The following ANKRD44 variants were observed in gnomAD, a reference collection of about 807,000 sequenced individuals.
ANKRD44 encodes serine/threonine-protein phosphatase 6 regulatory ankyrin repeat subunit B.
ANKRD44 carries 35 observed loss-of-function variants against 116.0 expected under a neutral mutation model. The observed-to-expected ratio is 0.30, with a 90% CI of 0.23 to 0.40. The LOEUF (loss-of-function observed/expected upper bound fraction) is 0.40, where lower values mean the gene tolerates loss of function less well. Ranked by LOEUF, ANKRD44 falls within the 10% of genes least tolerant of loss-of-function variation. The pLI, the probability that ANKRD44 is intolerant of heterozygous loss-of-function variation, is 1.00. For synonymous variants in ANKRD44, 435 were observed against 461.8 expected, an observed-to-expected ratio of 0.94 and a Z score of 0.74; for missense variants, 1,014 against 1,242.6, an observed-to-expected ratio of 0.82 and a Z score of 2.77.
chr2:197,215,419 C>T (rs1311007109), intron 1 of ANKRD44, among the ~76,000 whole-genome samples: 1 of 152,174 alleles, frequency 6.6e-6, no homozygotes, highest in Non-Finnish European at 1.5e-5. Context: ...ATGAGGTTCT[C>T]TCAGTGCAGG....
At chr2:197,283,291 G>C (rs1357218887) in intron 1 of ANKRD44, among the ~76,000 whole-genome samples, 1 of 152,130 alleles carries the variant, frequency 6.6e-6, no homozygotes, top group Non-Finnish European at 1.5e-5. Flanking sequence ...AGCCCATTAT[G>C]ATAAAATCCC....
chr2:197,253,790 T>C (rs1015721605), intron 1 of ANKRD44, among the ~76,000 whole-genome samples: 1 of 152,186 alleles, frequency 6.6e-6, no homozygotes, highest in African/African-American at 2.4e-5. Flanking sequence ...AAAGTCATAC[T>C]ATGTGAAGTG....
intron 1 of ANKRD44, among the ~76,000 whole-genome samples, chr2:197,206,341 A>C (rs2081204936): frequency 6.6e-6 from 1 of 152,224 alleles, no homozygotes; most frequent in South Asian, 2.1e-4. Flanking sequence ...TGAAGTTCAC[A>C]CTGTTAGCGC....
At chr2:197,225,415 C>G (rs571358095) in intron 1 of ANKRD44, among the ~76,000 whole-genome samples, 1 of 152,216 alleles carries the variant, frequency 6.6e-6, no homozygotes, top group Non-Finnish European at 1.5e-5. Flanking sequence ...GCAATCTCAG[C>G]TTACTGCAAC....
intron 4 of ANKRD44, among the ~76,000 whole-genome samples, chr2:197,127,923 G>A (rs1368719387): frequency 1.3e-5 from 2 of 152,114 alleles, no homozygotes; most frequent in African/African-American, 2.4e-5. Context: ...GCGGTGTTTG[G>A]TTTTCTGTTT....
rs115185886 is a variant in ANKRD44 at position 197,237,556 on chromosome 2, G to A, written c.28-50450C>T. 3.0e-3 allele frequency among the ~76,000 whole-genome samples: 454 copies of A among 152,284 alleles called. 5 individuals are homozygous for A. Among genetic ancestry groups the A allele is most frequent in the African/African-American group, 0.01 (436 of 41,562 alleles). ...CACTAGAAGATTCGGAGTGTGTGAT[G>A]TCTGTAATGCCGGCTCCATTCACAC... is the stretch of plus-strand genomic sequence containing the variant. On this transcript the variant is annotated intron_variant, in intron 1 of 27. Transcript: ENST00000282272.
At chr2:197,204,626 A>G (rs1881405) in intron 1 of ANKRD44, among the ~76,000 whole-genome samples, 84,579 of 152,024 alleles carry the variant, frequency 0.56, 27,756 homozygotes, top group East Asian at 0.88. Context: ...CCAGAGCTCC[A>G]GACGTTTCAG....
At chr2:197,001,055 C>A (rs922218565) in intron 22 of ANKRD44, among the ~76,000 whole-genome samples, 9 of 151,938 alleles carry the variant, frequency 5.9e-5, no homozygotes, top group African/African-American at 2.2e-4. Context: ...AAAATATAAA[C>A]AAAATAAAAT....
intron 21 of ANKRD44, among the ~76,000 whole-genome samples, chr2:196,977,026 C>G (rs1214843014): frequency 1.3e-5 from 2 of 152,160 alleles, no homozygotes; most frequent in African/African-American, 4.8e-5. Context: ...CTTCTATATA[C>G]TGGCAATGAA....
rs577922219 is a variant in ANKRD44, at chr2:197,005,962, C to A, written c.2131-52G>T. On this transcript the variant is annotated intron_variant, in intron 20 of 27. Coordinates refer to ENST00000282272, the MANE Select transcript of ANKRD44 (RefSeq NM_001195144.2). The stretch of plus-strand genomic sequence containing the variant: ...AACAAACCTCAGAAGACTAAGGAAG[C>A]AAAGCAGTTGGCTAAGTGAGGCTGG... 3.2e-6 allele frequency: 5 copies of A among 1,577,482 alleles called. No homozygotes were observed. In the African/African-American group the frequency reaches 6.7e-5, roughly 21 times the overall value.
At chr2:197,241,765 T>C (rs1055043586) in intron 1 of ANKRD44, among the ~76,000 whole-genome samples, 1 of 152,130 alleles carries the variant, frequency 6.6e-6, no homozygotes, top group Admixed American at 6.5e-5. Flanking sequence ...GTTTTGATAG[T>C]AACATGAGAA....
At chr2:197,027,680 ATTT>A (rs34502554) in intron 16 of ANKRD44, among the ~76,000 whole-genome samples, 168 of 125,848 alleles carry the variant, frequency 1.3e-3, no homozygotes, top group Admixed American at 1.3e-3. Flanking sequence ...ATGCCTGAGA[ATTT>A]TTTTTTTTTT....
intron 1 of ANKRD44, among the ~76,000 whole-genome samples, chr2:197,189,966 A>C (rs2080783564): frequency 6.6e-6 from 1 of 152,186 alleles, no homozygotes; most frequent in Non-Finnish European, 1.5e-5. Context: ...CTGGAATGTT[A>C]CCAAGGAGAG....
intron 16 of ANKRD44, among the ~76,000 whole-genome samples, chr2:197,044,258 G>A (rs1048440225): frequency 6.6e-6 from 1 of 152,152 alleles, no homozygotes; most frequent in Non-Finnish European, 1.5e-5. Flanking sequence ...AGTAAGAACT[G>A]GATTATACAT....
Position 197,090,038 on chromosome 2 carries a change from G to A in ANKRD44, c.1101-6C>T. The A allele has an allele frequency of 6.2e-7, 1 of 1,612,738 alleles. No individual in the cohort carries two copies. The highest frequency in any genetic ancestry group is 8.5e-7 in the Non-Finnish European group (1 of 1,178,828). ...ACATGCTATGGATTCCACACCTGAGGAGTAAGAAAACAGAGCAACTCACGG... is the reference window on the plus strand; with the variant it reads ...ACATGCTATGGATTCCACACCTGAGAAGTAAGAAAACAGAGCAACTCACGG... On this transcript the variant is annotated splice_polypyrimidine_tract_variant and splice_region_variant and intron_variant, in intron 10 of 27. Coordinates refer to ENST00000282272, the MANE Select transcript of ANKRD44 (RefSeq NM_001195144.2).
At chr2:197,180,581 T>C (rs952624482) in intron 2 of ANKRD44, among the ~76,000 whole-genome samples, 3 of 152,140 alleles carry the variant, frequency 2.0e-5, no homozygotes, top group African/African-American at 4.8e-5. Context: ...ATCTCAGTCC[T>C]TCATCTTCAT....
At chr2:197,188,747 G>GCA (rs35947744) in intron 1 of ANKRD44, among the ~76,000 whole-genome samples, 33,938 of 151,884 alleles carry the variant, frequency 0.22, 3,975 homozygotes, top group Middle Eastern at 0.27. Flanking sequence ...TGGTAATTAT[G>GCA]CACACACACA....
chr2:197,294,125 C>A (rs768907604), intron 1 of ANKRD44, among the ~76,000 whole-genome samples: 9 of 152,158 alleles, frequency 5.9e-5, no homozygotes, highest in Non-Finnish European at 5.9e-5. Context: ...CCTGTCTTCA[C>A]CAGACAATTT....
intron 16 of ANKRD44, among the ~76,000 whole-genome samples, chr2:197,054,530 C>A (rs2077168923): frequency 6.6e-6 from 1 of 152,148 alleles, no homozygotes. Flanking sequence ...TGTAGAAGCA[C>A]AAAATAAAGA....
Sources: allele counts gnomAD v4.1 joint callset (sites outside exome capture counted in the v4.1 genomes callset), GRCh38; gene constraint gnomAD v4.1.1; transcripts MANE v1.5; gene names NCBI Gene and HGNC (gene_info 2026-07-23, HGNC 2026-07-21).